The following SLC7A7 variants were observed in gnomAD, a reference collection of about 807,000 sequenced individuals.
SLC7A7 encodes the protein Y+L amino acid transporter 1.
In SLC7A7, 39 loss-of-function variants were observed where a neutral mutation model predicts 47.9. That is an observed-to-expected ratio of 0.81 (90% CI 0.63 to 1.06). The LOEUF is 1.06. Among genes scored for constraint, SLC7A7 ranks in the 50% least tolerant of loss-of-function variants. The pLI, the probability that SLC7A7 is intolerant of heterozygous loss-of-function variation, is 0.00. For missense variants in SLC7A7, 588 were observed against 632.0 expected (o/e 0.93, Z 0.75); for synonymous variants, 234 against 242.8 (o/e 0.96, Z 0.34).
chr14:22,811,466 A>G (rs547940840), intron 2 of SLC7A7, among the ~76,000 whole-genome samples: 3 of 152,292 alleles, frequency 2.0e-5, no homozygotes, highest in South Asian at 2.1e-4. Flanking sequence ...AGCACCTCCA[A>G]TGGCTTTACT....
intron 5 of SLC7A7, 123 bp from the exon 6 acceptor site, chr14:22,776,059 G>T: frequency 6.9e-7 from 1 of 1,447,220 alleles, no homozygotes; most frequent in Non-Finnish European, 9.7e-7. Flanking sequence ...GGGTTAACAG[G>T]ACCTTCTTGC....
At chr14:22,777,143 A>T (rs917738055) in intron 4 of SLC7A7, among the ~76,000 whole-genome samples, 50 of 35,212 alleles carry the variant, frequency 1.4e-3, no homozygotes, top group East Asian at 8.8e-3. Context: ...GACCCTGTCT[A>T]AAAAAAAAAA....
intron 2 of SLC7A7, among the ~76,000 whole-genome samples, chr14:22,781,548 A>G (rs1176379017): frequency 6.6e-6 from 1 of 152,352 alleles, no homozygotes; most frequent in African/African-American, 2.4e-5. Flanking sequence ...CCACAGCTCC[A>G]GGCCACCCCA....
chr14:22,801,620 A>T (rs1011942060), intron 2 of SLC7A7, among the ~76,000 whole-genome samples: 2 of 152,196 alleles, frequency 1.3e-5, no homozygotes, highest in African/African-American at 4.8e-5. Context: ...CGTCTAAAAA[A>T]TACAAAAATT....
At chr14:22,801,872 A>G (rs2039120846) in intron 2 of SLC7A7, among the ~76,000 whole-genome samples, 1 of 152,198 alleles carries the variant, frequency 6.6e-6, no homozygotes, top group African/African-American at 2.4e-5. Context: ...GCACACACAT[A>G]AAGTGCTCCA....
intron 2 of SLC7A7, among the ~76,000 whole-genome samples, chr14:22,789,840 T>C (rs1226519526): frequency 5.9e-5 from 9 of 151,706 alleles, no homozygotes; most frequent in Admixed American, 3.3e-4. Context: ...AATGGAAGGG[T>C]CCATGAGACT....
chr14:22,775,469 G>A lies in SLC7A7; in HGVS notation c.1070C>T (p.Thr357Ile). Reference sequence around the variant, plus strand: ...ATTGAAGAGCAGAGAAGGCACTGGTGTGAACCGCTCAACATGGATCATGCA... The same window carrying A: ...ATTGAAGAGCAGAGAAGGCACTGGTATGAACCGCTCAACATGGATCATGCA... ...AICMIHVERF[T>I]PVPSLLFNGI... The change falls in exon 7 of 10, where the codon ACA becomes ATA. Residue 357 changes from threonine (T) to isoleucine (I), a missense_variant. Transcript: ENST00000674313. The A allele has an allele frequency of 6.2e-7, 1 of 1,614,138 alleles. No homozygotes were observed. The highest frequency in any genetic ancestry group is 8.5e-7 in the Non-Finnish European group (1 of 1,179,974).
chr14:22,802,440 A>G, intron 2 of SLC7A7, among the ~76,000 whole-genome samples: 1 of 150,422 alleles, frequency 6.6e-6, no homozygotes, highest in African/African-American at 2.5e-5. Context: ...ACAAACAAAA[A>G]AAATATTTAT....
chr14:22,774,477 G>T lies in SLC7A7; in HGVS notation c.1122C>A (p.Cys374Ter), dbSNP rs771254387. 1 of 1,614,088 alleles carries T rather than the reference G, an allele frequency of 6.2e-7. No homozygotes were observed. Among genetic ancestry groups the T allele is most frequent in the Admixed American group, 1.7e-5 (1 of 60,010 alleles). ...FNGIMALIYL[C>*]VEDIFQLINY... ...TAATGAGCTGGAAGATGTCTTCCAC[G>T]CACAAGTAGATCAATGCCATGATAC... Residue 374 changes from cysteine to a stop codon, truncating the protein, a stop_gained, in exon 8 of 10, where the codon TGC (cysteine) becomes TGA (stop). Transcript: ENST00000674313. LOFTEE classifies it high-confidence loss of function.
intron 4 of SLC7A7, among the ~76,000 whole-genome samples, chr14:22,777,326 A>C (rs568128083): frequency 1.3e-5 from 2 of 152,282 alleles, no homozygotes; most frequent in South Asian, 4.1e-4. Flanking sequence ...GAAATATAAA[A>C]AGAAATTATG....
At chr14:22,815,237 G>A in intron 1 of SLC7A7, 83 bp downstream of exon 1, 1 of 391,978 alleles carries the variant, frequency 2.6e-6, no homozygotes, top group South Asian at 1.9e-5. Context: ...CTCGGGAGAA[G>A]AAGCGATTAG....
intron 9 of SLC7A7, 95 bp downstream of exon 9, chr14:22,773,838 G>T: frequency 6.4e-7 from 1 of 1,567,638 alleles, no homozygotes; most frequent in East Asian, 2.2e-5. Flanking sequence ...ATAAGAAGGG[G>T]CTAAGGCAAA....
chr14:22,782,086 ATATTT>A (rs71845541), intron 2 of SLC7A7, among the ~76,000 whole-genome samples: 3,376 of 152,170 alleles, frequency 0.022, 119 homozygotes, highest in African/African-American at 0.074. Flanking sequence ...TGGCTTGTTT[ATATTT>A]TATTTTATTT....
intron 3 of SLC7A7, 61 bp from the exon 4 acceptor site, chr14:22,778,998 G>A: frequency 6.2e-7 from 1 of 1,602,364 alleles, no homozygotes; most frequent in Non-Finnish European, 8.5e-7. Flanking sequence ...CTTCAAGATG[G>A]TCAAGTAAAG....
At chr14:22,815,266 G>C (rs1043874438) in intron 1 of SLC7A7, 54 bp downstream of exon 1, 1 of 428,934 alleles carries the variant, frequency 2.3e-6, no homozygotes, top group Non-Finnish European at 4.7e-6. Context: ...CAGCAGCAAA[G>C]AGGAGGGTTA....
upstream of SLC7A7, among the ~76,000 whole-genome samples, chr14:22,818,294 A>T (rs1432460365): frequency 6.6e-6 from 1 of 150,610 alleles, no homozygotes; most frequent in Non-Finnish European, 1.5e-5. Flanking sequence ...AGCACGCCCT[A>T]GTGGTAGCAC....
In SLC7A7 at chr14:22,777,936, G is replaced by A. The variant is rs142783657; in HGVS notation, c.770+857C>T. ...CTAAAAATACAAAAATTAGCCAGGC[G>A]TGGTGGCAGGCACCTGTAATTCTAG... On this transcript the variant is annotated intron_variant, in intron 4 of 9. Coordinates refer to ENST00000674313, the MANE Select transcript of SLC7A7 (RefSeq NM_003982.4). Among the ~76,000 whole-genome samples, 8 of 152,260 alleles carry A rather than the reference G, an allele frequency of 5.3e-5. No homozygotes were observed. The South Asian group carries it at 1.0e-3, about 20-fold the overall frequency.
intron 3 of SLC7A7, among the ~76,000 whole-genome samples, chr14:22,779,306 G>A (rs1299366445): frequency 2.0e-5 from 3 of 152,180 alleles, no homozygotes; most frequent in South Asian, 4.1e-4. Context: ...CAGCTCCCAG[G>A]GCATGGCTGT....
In SLC7A7 at chr14:22,803,338, A is replaced by C. The variant is rs543662168; in HGVS notation, c.499+9562T>G. Among the ~76,000 whole-genome samples, 427 of 152,302 alleles carry C rather than the reference A, an allele frequency of 2.8e-3. 4 individuals carry two copies. The highest frequency in any genetic ancestry group is 4.4e-3 in the Non-Finnish European group (298 of 68,030). ...GAGGCTGAGGAAGGAGAATCGCTTG[A>C]ACCCGGAAGGCGGAGGTTGCAGTGA... On this transcript the variant is annotated intron_variant, in intron 2 of 9. Transcript: ENST00000674313.
Sources: gnomAD v4.1 joint callset for allele counts (sites outside exome capture counted in the v4.1 genomes callset) on GRCh38, gnomAD v4.1.1 for gene constraint, MANE v1.5 for transcripts, NCBI Gene and HGNC (gene_info 2026-07-23, HGNC 2026-07-21) for gene names.